The following ATXN7 variants were observed in gnomAD, a reference collection of about 807,000 sequenced individuals.
ATXN7 encodes the protein ataxin-7.
A neutral mutation model predicts 70.5 loss-of-function variants in ATXN7; 12 were observed. The ratio of observed to expected loss-of-function variants is 0.17; its 90% CI spans 0.11 to 0.28. ATXN7 has a LOEUF of 0.28. ATXN7 is among the 10% of genes least tolerant of loss of function. The pLI is 1.00. For synonymous variants in ATXN7, 498 were observed against 448.7 expected, an observed-to-expected ratio of 1.11 and a Z score of -1.39; for missense variants, 1,256 against 1,131.7, an observed-to-expected ratio of 1.11 and a Z score of -1.58.
chr3:63,992,625 T>A (rs1376577310), intron 11 of ATXN7, among the ~76,000 whole-genome samples: 1 of 152,192 alleles, frequency 6.6e-6, no homozygotes, highest in Non-Finnish European at 1.5e-5. Context: ...AGTGAGACTT[T>A]CCTCTTGATG....
intron 12 of ATXN7, chr3:63,997,575 G>T (rs890571686): frequency 6.6e-7 from 1 of 1,508,862 alleles, no homozygotes; most frequent in Non-Finnish European, 9.0e-7. Context: ...AGCTTCCTTT[G>T]CTCTAACTTC....
At chr3:63,974,483 T>C (rs1233307476) in intron 5 of ATXN7, among the ~76,000 whole-genome samples, 2 of 152,262 alleles carry the variant, frequency 1.3e-5, no homozygotes, top group African/African-American at 4.8e-5. Context: ...TGCCTTGTGC[T>C]TTCACCCAGG....
intron 1 of ATXN7, chr3:63,865,246 A>T (rs1358184666): frequency 6.6e-6 from 1 of 152,238 alleles, no homozygotes; most frequent in Non-Finnish European, 1.5e-5. Flanking sequence ...AATTTTAGTC[A>T]TATTATGTGA....
intron 5 of ATXN7, among the ~76,000 whole-genome samples, chr3:63,960,208 T>C (rs1386019985): frequency 6.6e-6 from 1 of 152,120 alleles, no homozygotes; most frequent in Non-Finnish European, 1.5e-5. Flanking sequence ...AAATAGCAAG[T>C]GCAGAGGTCC....
intron 11 of ATXN7, 191 bp downstream of exon 11, chr3:63,991,050 T>A: frequency 2.6e-6 from 2 of 757,026 alleles, no homozygotes; most frequent in Non-Finnish European, 4.1e-6. Context: ...TTGTTGTGGG[T>A]GCTGGCATTC....
At chr3:63,868,864 C>T (rs1439570260) in intron 1 of ATXN7, among the ~76,000 whole-genome samples, 6 of 152,190 alleles carry the variant, frequency 3.9e-5, no homozygotes, top group African/African-American at 1.2e-4. Flanking sequence ...CCAGGGACTT[C>T]ATGGGTGGAA....
chr3:63,978,064 G>A (rs1352693924), intron 5 of ATXN7, among the ~76,000 whole-genome samples: 1 of 152,156 alleles, frequency 6.6e-6, no homozygotes, highest in Non-Finnish European at 1.5e-5. Context: ...CTCAGCTGTG[G>A]TTAATGGTTC....
At chr3:63,985,875 A>G (rs1451744449) in intron 8 of ATXN7, among the ~76,000 whole-genome samples, 4 of 152,230 alleles carry the variant, frequency 2.6e-5, no homozygotes, top group African/African-American at 7.2e-5. Context: ...GTTTAGCACA[A>G]TAACCACGTG....
chr3:63,868,821 C>T (rs972155620), intron 1 of ATXN7, among the ~76,000 whole-genome samples: 1 of 152,176 alleles, frequency 6.6e-6, no homozygotes, highest in Non-Finnish European at 1.5e-5. Context: ...AGTGCTTCAG[C>T]ACTCCTTTCG....
Position 63,995,946 on chromosome 3 carries a change from A to G in ATXN7, c.2124A>G (p.Lys708=). 1 of 1,614,046 alleles carries G rather than the reference A, an allele frequency of 6.2e-7. No homozygotes were observed. Among genetic ancestry groups the G allele is most frequent in the South Asian group, 1.1e-5 (1 of 91,070 alleles). The change falls in exon 12 of 13, where the codon AAA becomes AAG. Residue 708 remains lysine (K), a synonymous_variant. Transcript: ENST00000674280. The part of the protein sequence containing the change: ...STSGGSGKKR[K]NSSPLLVHSS... ...GTGGCGGCTCAGGAAAGAAACGCAA[A>G]AACAGTTCCCCACTGTTGGTTCACT... is the stretch of plus-strand genomic sequence containing the variant.
intron 5 of ATXN7, among the ~76,000 whole-genome samples, chr3:63,972,429 C>T (rs1230880068): frequency 6.6e-6 from 1 of 152,174 alleles, no homozygotes; most frequent in Non-Finnish European, 1.5e-5. Flanking sequence ...TAAGGCCCAT[C>T]CATGCAGAGT....
chr3:63,897,195 G>C (rs1271494236), intron 1 of ATXN7, among the ~76,000 whole-genome samples: 1 of 152,174 alleles, frequency 6.6e-6, no homozygotes, highest in Non-Finnish European at 1.5e-5. Context: ...GCTTTTATTG[G>C]AAGTAAGGCA....
chr3:63,991,316 T>G (rs182591205), intron 11 of ATXN7, among the ~76,000 whole-genome samples: 8 of 131,446 alleles, frequency 6.1e-5, no homozygotes, highest in African/African-American at 2.2e-4. Flanking sequence ...TTTTGTTTTG[T>G]TTTTTTAATA....
chr3:63,996,618 A>ATT, intron 12 of ATXN7, 135 bp downstream of exon 12: 1 of 61,630 alleles, frequency 1.6e-5, no homozygotes, highest in Non-Finnish European at 2.6e-5. Flanking sequence ...GTGTCTTCTT[A>ATT]AAAAAAAAAA....
rs1414609036 is a variant in ATXN7, at chr3:63,995,601, T to C, written c.1779T>C (p.Tyr593=). The part of the protein sequence containing the change: ...SVPTSQCGVS[Y]LAAATVSTSP... ...CGACATCACAATGTGGAGTCAGCTA[T>C]CTGGCAGCAGCCACCGTCTCTACAT... is the stretch of plus-strand genomic sequence containing the variant. Residue 593 remains tyrosine (Y), a synonymous_variant, in exon 12 of 13, where the codon TAT becomes TAC. Coordinates refer to ENST00000674280, the MANE Select transcript of ATXN7 (RefSeq NM_001377405.1). 6.2e-7 allele frequency: 1 copy of C among 1,614,164 alleles called. No homozygotes were observed. Among genetic ancestry groups the C allele is most frequent in the Non-Finnish European group, 8.5e-7 (1 of 1,180,022 alleles).
Position 63,988,158 on chromosome 3 carries a change from A to G in ATXN7, c.1195A>G (p.Ile399Val). Reference sequence around the variant, plus strand: ...AAACAAAACCAGGGAAAAGGAATTGATTCGCCATCCGGACTCTCAGCAACC... The same window carrying G: ...AAACAAAACCAGGGAAAAGGAATTGGTTCGCCATCCGGACTCTCAGCAACC... ...HKNKTREKEL[I>V]RHPDSQQPPQ... Residue 399 changes from isoleucine (I) to valine (V), a missense_variant, in exon 9 of 13, where the codon ATT (isoleucine) becomes GTT (valine). Transcript: ENST00000674280. The G allele has an allele frequency of 6.2e-7, 1 of 1,614,130 alleles. No individual in the cohort carries two copies. The highest frequency in any genetic ancestry group is 8.5e-7 in the Non-Finnish European group (1 of 1,180,008).
At chr3:63,962,497 C>T (rs2075146916) in intron 5 of ATXN7, among the ~76,000 whole-genome samples, 1 of 152,038 alleles carries the variant, frequency 6.6e-6, no homozygotes, top group Non-Finnish European at 1.5e-5. Flanking sequence ...CTCCATCTCC[C>T]AGGTTCAAGT....
At chr3:63,874,566 A>G (rs1575834150) in intron 1 of ATXN7, among the ~76,000 whole-genome samples, 2 of 152,214 alleles carry the variant, frequency 1.3e-5, no homozygotes, top group East Asian at 1.9e-4. Flanking sequence ...TATTTTCTCT[A>G]TTTTTCAGCT....
chr3:63,905,126 A>G (rs147860496), intron 2 of ATXN7: 4 of 152,224 alleles, frequency 2.6e-5, no homozygotes, highest in Non-Finnish European at 2.9e-5. Flanking sequence ...CATTTTCTTG[A>G]TGGCATCCTT....
Sources: gnomAD v4.1 joint callset for allele counts (sites outside exome capture counted in the v4.1 genomes callset) on GRCh38, gnomAD v4.1.1 for gene constraint, MANE v1.5 for transcripts, NCBI Gene and HGNC (gene_info 2026-07-23, HGNC 2026-07-21) for gene names.